The following RNF111 variants were observed in gnomAD, a reference collection of about 807,000 sequenced individuals.
RNF111 encodes E3 ubiquitin-protein ligase Arkadia.
RNF111 carries 17 observed loss-of-function variants against 95.1 expected under a neutral mutation model. That is an observed-to-expected ratio of 0.18 (90% CI 0.12 to 0.27). The LOEUF (loss-of-function observed/expected upper bound fraction) is 0.27. Ranked by LOEUF, RNF111 falls within the 10% of genes least tolerant of loss-of-function variation. The pLI, the probability that RNF111 is intolerant of heterozygous loss-of-function variation, is 1.00. For missense variants in RNF111, 1,189 were observed against 1,210.4 expected, an observed-to-expected ratio of 0.98 and a Z score of 0.26; for synonymous variants, 440 against 414.8, an observed-to-expected ratio of 1.06 and a Z score of -0.74.
At chr15:59,092,138 A>G (rs1262114006) in intron 12 of RNF111, among the ~76,000 whole-genome samples, 1 of 152,188 alleles carries the variant, frequency 6.6e-6, no homozygotes, top group Non-Finnish European at 1.5e-5. Flanking sequence ...CAAGTTTTCA[A>G]CTGTCCAAGT....
chr15:59,058,736 C>T (rs1398689993), intron 5 of RNF111, 186 bp downstream of exon 5: 1 of 586,214 alleles, frequency 1.7e-6, no homozygotes, highest in Non-Finnish European at 3.0e-6. Context: ...AGTTTGTGTG[C>T]TATATGTAAC....
At position 59,031,062 on chromosome 15, in the gene RNF111, T is replaced by C. The variant is rs1175193099; in HGVS notation, c.240T>C (p.Gly80=). The C allele has an allele frequency of 6.2e-7, 1 of 1,614,244 alleles. No homozygotes were observed. Among genetic ancestry groups the C allele is most frequent in the Admixed American group, 1.7e-5 (1 of 60,026 alleles). ...DSQKQEKEMN[G]NQQEQEKSLV... ...AAAAGCAAGAGAAGGAAATGAATGG[T>C]AACCAGCAAGAACAAGAAAAAAGTC... The change falls in exon 2 of 14, where the codon GGT becomes GGC. Residue 80 remains glycine, a synonymous_variant. Transcript: ENST00000348370.
At chr15:59,063,789 A>C (rs2042538973) in intron 5 of RNF111, among the ~76,000 whole-genome samples, 1 of 152,154 alleles carries the variant, frequency 6.6e-6, no homozygotes, top group Non-Finnish European at 1.5e-5. Context: ...ACAAACTCAT[A>C]CCCTGACTTT....
chr15:59,089,586 G>C, intron 10 of RNF111, 81 bp from the exon 11 acceptor site: 1 of 1,042,380 alleles, frequency 9.6e-7, no homozygotes, highest in South Asian at 1.3e-5. Flanking sequence ...AAACATTGAG[G>C]GTCTTGAATT....
At chr15:59,026,413 C>T (rs959755988) in intron 1 of RNF111, among the ~76,000 whole-genome samples, 7 of 80,352 alleles carry the variant, frequency 8.7e-5, no homozygotes, top group African/African-American at 3.0e-4. Context: ...ATGATTGGAT[C>T]GATCTACACA....
chr15:59,043,029 G>T (rs560462536), intron 2 of RNF111, among the ~76,000 whole-genome samples: 2 of 152,042 alleles, frequency 1.3e-5, no homozygotes, highest in Non-Finnish European at 2.9e-5. Context: ...TTCATTTGTT[G>T]ATGTCTAGTT....
rs1199358083 is a variant in RNF111, at chr15:59,081,239, T to C, written c.2252T>C (p.Met751Thr). Residue 751 changes from methionine to threonine, a missense_variant, in exon 8 of 14, where the codon ATG (methionine) becomes ACG (threonine). Physicochemically the swap from Met to Thr is moderately conservative, Grantham distance 81. Transcript: ENST00000348370. ...PAQRLHPHEVMQRMEVQRRRM... is the reference protein window; with the variant it reads ...PAQRLHPHEVTQRMEVQRRRM... ...CAGAGACTGCATCCTCATGAAGTGATGCAGAGGATGGAAGTTCAAAGGAGG... is the reference window on the plus strand; with the variant it reads ...CAGAGACTGCATCCTCATGAAGTGACGCAGAGGATGGAAGTTCAAAGGAGG... 1 of 1,614,142 alleles carries C rather than the reference T, an allele frequency of 6.2e-7. No homozygotes were observed. The highest frequency in any genetic ancestry group is 2.2e-5 in the East Asian group (1 of 44,892).
At chr15:59,088,583 A>T (rs767073260) in intron 10 of RNF111, among the ~76,000 whole-genome samples, 3 of 152,184 alleles carry the variant, frequency 2.0e-5, no homozygotes, top group Non-Finnish European at 2.9e-5. Context: ...TCAGAGATTT[A>T]TTTATAAAGA....
At chr15:59,024,995 C>G (rs1196235659) in intron 1 of RNF111, among the ~76,000 whole-genome samples, 1 of 152,196 alleles carries the variant, frequency 6.6e-6, no homozygotes, top group Non-Finnish European at 1.5e-5. Context: ...TGTAATGCGT[C>G]AGGGTTTCCT....
chr15:59,006,096 G>T (rs1216213133), intron 1 of RNF111, among the ~76,000 whole-genome samples: 1 of 152,200 alleles, frequency 6.6e-6, no homozygotes, highest in Non-Finnish European at 1.5e-5. Context: ...GAGAAGGAAA[G>T]GTTGGTGATT....
rs1433555856 is a variant in RNF111 at position 58,988,070 on chromosome 15, T to C, written c.-20+2T>C. 3.3e-5 allele frequency: 2 copies of C among 59,924 alleles called. No homozygotes were observed. Among genetic ancestry groups the C allele is most frequent in the South Asian group, 6.5e-4 (1 of 1,532 alleles). The allele number at this position is 59,924 out of a possible 1,614,324, so 3.7% of individuals were successfully genotyped here. On this transcript the variant is annotated splice_donor_variant, in intron 1 of 13. Transcript: ENST00000348370. LOFTEE classifies it low-confidence loss of function (5UTR_SPLICE). The stretch of plus-strand genomic sequence containing the variant: ...AGAAGAGGGTGGCTAATGATTAAGG[T>C]GAGGGGAACGGGGGGGGAGGGGATC...
rs1311189164 is a variant in RNF111 at position 59,078,210 on chromosome 15, A to G, written c.1948+1995A>G. Among the ~76,000 whole-genome samples, 9 of 152,340 alleles carry G rather than the reference A, an allele frequency of 5.9e-5. No individual in the cohort carries two copies. The South Asian group carries it at 1.7e-3, about 28-fold the overall frequency. On this transcript the variant is annotated intron_variant, in intron 7 of 13. Coordinates refer to ENST00000348370, the MANE Select transcript of RNF111 (RefSeq NM_017610.8). ...AATTGTGATACTTGGATCCAGATGA[A>G]TAGTTTGCTGTTTCATAAGTACATT...
chr15:58,990,640 C>T (rs188999409), intron 1 of RNF111, among the ~76,000 whole-genome samples: 63 of 152,240 alleles, frequency 4.1e-4, no homozygotes, highest in African/African-American at 1.3e-3. Context: ...GGCGACAGAG[C>T]GAGACTGTTT....
rs1318293246 is a variant in RNF111, at chr15:59,055,725, G to A, written c.1051G>A (p.Gly351Ser). ...LGHSRSHWSQ[G>S]SSSHASRPQE... ...ACACTCCAGATCTCATTGGAGCCAG[G>A]GTTCCAGTTCTCATGCAAGTCGGCC... Residue 351 changes from glycine (G) to serine (S), a missense_variant, in exon 4 of 14, where the codon GGT becomes AGT. Physicochemically the swap from Gly to Ser is moderately conservative, Grantham distance 56 (BLOSUM62 0). Coordinates refer to ENST00000348370, the MANE Select transcript of RNF111 (RefSeq NM_017610.8). The A allele has an allele frequency of 6.2e-7, 1 of 1,613,758 alleles. No individual in the cohort carries two copies. Among genetic ancestry groups the A allele is most frequent in the African/African-American group, 1.3e-5 (1 of 74,904 alleles).
chr15:59,089,609 C>T, intron 10 of RNF111, 58 bp from the exon 11 acceptor site: 1 of 1,280,008 alleles, frequency 7.8e-7, no homozygotes, highest in South Asian at 1.2e-5. Context: ...TCAATGTTAA[C>T]AGTAAATCAC....
At chr15:59,074,345 A>G (rs192171526) in intron 6 of RNF111, among the ~76,000 whole-genome samples, 1 of 152,364 alleles carries the variant, frequency 6.6e-6, no homozygotes, top group Admixed American at 6.5e-5. Context: ...ATCTTCCAAT[A>G]TTAGGCTGTT....
At chr15:59,090,593 G>A (rs547887968) in intron 11 of RNF111, among the ~76,000 whole-genome samples, 45 of 152,260 alleles carry the variant, frequency 3.0e-4, no homozygotes, top group African/African-American at 1.1e-3. Context: ...ACTATTGTTT[G>A]ATTTGGTTCC....
intron 1 of RNF111, among the ~76,000 whole-genome samples, chr15:58,994,479 T>C (rs1348594351): frequency 1.4e-5 from 2 of 138,724 alleles, no homozygotes; most frequent in East Asian, 4.1e-4. Context: ...CTCTCTTTTT[T>C]TTTTTTTTTT....
chr15:59,091,485 A>G (rs1011751550), intron 12 of RNF111, among the ~76,000 whole-genome samples: 2 of 152,206 alleles, frequency 1.3e-5, no homozygotes, highest in Admixed American at 1.3e-4. Context: ...CATAGTTTGC[A>G]GATTGCCTTT....
Sources: allele counts gnomAD v4.1 joint callset (sites outside exome capture counted in the v4.1 genomes callset), GRCh38; gene constraint gnomAD v4.1.1; transcripts MANE v1.5; gene names NCBI Gene and HGNC (gene_info 2026-07-23, HGNC 2026-07-21).